The following PAICS variants were observed in gnomAD, a reference collection of about 807,000 sequenced individuals.
PAICS encodes the protein bifunctional phosphoribosylaminoimidazole carboxylase/phosphoribosylaminoimidazole succinocarboxamide synthetase.
Under a neutral mutation model 53.7 loss-of-function variants are expected in PAICS, and 33 were observed. That is an observed-to-expected ratio of 0.61 (90% confidence interval 0.47 to 0.82). PAICS has a LOEUF of 0.82. Among genes scored for constraint, PAICS ranks in the 40% least tolerant of loss-of-function variants. The pLI is 0.00. For missense variants in PAICS, 394 were observed against 494.1 expected (o/e 0.80, Z 1.92); for synonymous variants, 141 against 167.2 (o/e 0.84, Z 1.21).
At chr4:56,437,256 GGTGTGT>G (rs57161391) in intron 1 of PAICS, among the ~76,000 whole-genome samples, 5,294 of 124,326 alleles carry the variant, frequency 0.043, 184 homozygotes, top group East Asian at 0.17. Flanking sequence ...ATGCCATGAT[GGTGTGT>G]GTGTGTGTGT....
the PAICS span, among the ~76,000 whole-genome samples, chr4:56,418,117 G>A: frequency 8.0e-4 from 122 of 151,816 alleles, 2 homozygotes; most frequent in East Asian, 0.023. Flanking sequence ...GATTACAGGC[G>A]TGAGCCACCG....
chr4:56,410,628 G>A, the PAICS span: 3 of 984,500 alleles, frequency 3.0e-6, no homozygotes, highest in South Asian at 1.4e-4. Context: ...AGAAATAAAG[G>A]AATATTTATT....
At chr4:56,427,725 T>C in the PAICS span, among the ~76,000 whole-genome samples, 1 of 152,068 alleles carries the variant, frequency 6.6e-6, no homozygotes, top group Admixed American at 6.6e-5. Flanking sequence ...AGGAACTCAC[T>C]GTTAGAAAGC....
intron 1 of PAICS, among the ~76,000 whole-genome samples, chr4:56,436,744 C>T (rs1357069516): frequency 6.6e-6 from 1 of 152,210 alleles, no homozygotes; most frequent in Non-Finnish European, 1.5e-5. Context: ...CCTGTAATCC[C>T]AGCACTTTGG....
At chr4:56,431,330 C>A, upstream of PAICS, 1 of 395,372 alleles carries the variant, frequency 2.5e-6, no homozygotes, top group Non-Finnish European at 3.4e-6. Context: ...TGAAGATTAA[C>A]TGGGAACTAG....
intron 2 of PAICS, among the ~76,000 whole-genome samples, chr4:56,443,175 T>C (rs907827101): frequency 2.0e-5 from 3 of 152,254 alleles, no homozygotes; most frequent in South Asian, 4.1e-4. Flanking sequence ...CATCTATTTA[T>C]TTATTTTATT....
intron 8 of PAICS, among the ~76,000 whole-genome samples, chr4:56,458,716 T>C (rs563337373): frequency 3.3e-5 from 5 of 151,982 alleles, no homozygotes; most frequent in Admixed American, 6.5e-5. Context: ...TTTGGAACTA[T>C]AGCAAACACT....
rs778771563 is a variant in PAICS at position 56,448,842 on chromosome 4, T to C, written c.687+19T>C. 7.1e-6 allele frequency: 9 copies of C among 1,272,206 alleles called. No individual in the cohort carries two copies. Among genetic ancestry groups the C allele is most frequent in the Non-Finnish European group, 1.0e-5 (9 of 889,172 alleles). The allele number at this position is 1,272,206 out of a possible 1,614,324, so 78.8% of individuals were successfully genotyped here. ...CAAACAGGTAGATAATGCTTCAGGT[T>C]TTTTTATCCTTTTTGAGATCAAGCT... is the stretch of plus-strand genomic sequence containing the variant. On this transcript the variant is annotated intron_variant, in intron 5 of 8. Transcript: ENST00000512576.
chr4:56,439,470 C>T (rs529717036), intron 1 of PAICS, among the ~76,000 whole-genome samples: 31 of 152,264 alleles, frequency 2.0e-4, no homozygotes, highest in African/African-American at 7.2e-4. Flanking sequence ...CTCCTAACCT[C>T]AAGTGATCCG....
intron 8 of PAICS, among the ~76,000 whole-genome samples, chr4:56,454,797 GA>G (rs1366474575): frequency 2.0e-5 from 3 of 151,432 alleles, no homozygotes; most frequent in African/African-American, 7.3e-5. Flanking sequence ...TCATGGTATT[GA>G]TTTTTTTTTT....
rs1718740579 is a variant in PAICS at position 56,448,588 on chromosome 4, T to TAA, written c.564_565insAA (p.Asp189LysfsTer3). 1.3e-6 allele frequency: 2 copies of TAA among 1,597,696 alleles called. No homozygotes were observed. Among genetic ancestry groups the TAA allele is most frequent in the African/African-American group, 2.7e-5 (2 of 74,528 alleles). On this transcript the variant is annotated frameshift_variant, in exon 4 of 9. Transcript: ENST00000512576. LOFTEE classifies it high-confidence loss of function. ...GGTTGCCCCAGAATTGTACACTGGT[T>TAA]GATATGAAGGTACAGATAAAACAAG...
chr4:56,410,580 C>A, the PAICS span: 55 of 985,288 alleles, frequency 5.6e-5, no homozygotes, highest in African/African-American at 8.4e-4. Context: ...AGTGTCTGGG[C>A]AGAAAAAAAT....
chr4:56,418,991 G>T, the PAICS span, among the ~76,000 whole-genome samples: 2 of 152,244 alleles, frequency 1.3e-5, no homozygotes, highest in East Asian at 1.9e-4. Context: ...TGTAATTTTC[G>T]CAAGGCGTAA....
rs1334791347 is a variant in PAICS at position 56,463,383 on chromosome 4, G to A, written c.*3845G>A. The stretch of plus-strand genomic sequence containing the variant: ...TATTTCTTCTGCTTGCCTCTGAGTT[G>A]ACAAGATACCATAAGATACTGTACA... On this transcript the variant is annotated 3_prime_UTR_variant, in exon 9 of 9. Transcript: ENST00000512576. 1 of 151,430 alleles carries A rather than the reference G, an allele frequency of 6.6e-6. No individual in the cohort carries two copies. The highest frequency in any genetic ancestry group is 1.5e-5 in the Non-Finnish European group (1 of 67,990). 9.4% of individuals were successfully genotyped at this position (151,430 alleles called of 1,614,324 possible). A position where few individuals can be genotyped will look rare whatever the true frequency, so the allele number is the denominator to read the frequency against.
intron 5 of PAICS, among the ~76,000 whole-genome samples, chr4:56,449,509 A>G (rs1478133539): frequency 6.6e-6 from 1 of 152,180 alleles, no homozygotes; most frequent in African/African-American, 2.4e-5. Flanking sequence ...CAGCAATCCC[A>G]TTACTGGGTA....
chr4:56,427,660 A>T, the PAICS span, among the ~76,000 whole-genome samples: 1 of 147,766 alleles, frequency 6.8e-6, no homozygotes, highest in Non-Finnish European at 1.5e-5. Flanking sequence ...AAAAAAAAAA[A>T]TTCATAAGGC....
the PAICS span, among the ~76,000 whole-genome samples, chr4:56,415,074 T>C: frequency 6.6e-6 from 1 of 152,226 alleles, no homozygotes; most frequent in South Asian, 2.1e-4. Flanking sequence ...GAGCATATCT[T>C]TTCTTTTTCT....
intron 2 of PAICS, among the ~76,000 whole-genome samples, chr4:56,443,158 A>G (rs1447177100): frequency 6.6e-6 from 1 of 152,132 alleles, no homozygotes; most frequent in Admixed American, 6.5e-5. Context: ...AATACCGATA[A>G]GTGTTCCATC....
chr4:56,429,971 C>T, the PAICS span, among the ~76,000 whole-genome samples: 1 of 152,178 alleles, frequency 6.6e-6, no homozygotes, highest in Non-Finnish European at 1.5e-5. Context: ...TAAAAATATA[C>T]ATCCCAGCCA....
Sources: gnomAD v4.1 joint callset for allele counts (sites outside exome capture counted in the v4.1 genomes callset) on GRCh38, gnomAD v4.1.1 for gene constraint, MANE v1.5 for transcripts, NCBI Gene and HGNC (gene_info 2026-07-23, HGNC 2026-07-21) for gene names.